Variants in BBX observed in about 807,000 individuals in gnomAD.
BBX encodes HMG box transcription factor BBX.
A neutral mutation model predicts 100.2 loss-of-function variants in BBX; 30 were observed. The observed-to-expected ratio is 0.30, with a 90% CI of 0.22 to 0.41. The LOEUF (loss-of-function observed/expected upper bound fraction) is 0.41, where lower values mean the gene tolerates loss of function less well. BBX is among the 10% of genes least tolerant of loss of function. The probability of loss-of-function intolerance (pLI) is 1.00; values close to 1 mark genes in which losing one functional copy is unlikely to be tolerated. For missense variants in BBX, 1,023 were observed against 1,129.8 expected, an observed-to-expected ratio of 0.91 and a Z score of 1.35; for synonymous variants, 376 against 388.1, an observed-to-expected ratio of 0.97 and a Z score of 0.37.
chr3:107,716,983 A>G, intron 5 of BBX, 134 bp downstream of exon 5: 1 of 1,147,994 alleles, frequency 8.7e-7, no homozygotes, highest in East Asian at 2.4e-5. Context: ...AAGTAAAAAC[A>G]TAACCGCTTT....
intron 3 of BBX, among the ~76,000 whole-genome samples, chr3:107,676,623 A>G (rs866253251): frequency 6.6e-6 from 1 of 152,170 alleles, no homozygotes; most frequent in Non-Finnish European, 1.5e-5. Flanking sequence ...TCTCCTTTCT[A>G]ACTTGTGTTA....
intron 3 of BBX, among the ~76,000 whole-genome samples, chr3:107,646,550 A>G (rs1323328835): frequency 6.6e-6 from 1 of 152,094 alleles, no homozygotes; most frequent in South Asian, 2.1e-4. Context: ...ATGTATGGTA[A>G]TAATATTTTA....
intron 2 of BBX, among the ~76,000 whole-genome samples, chr3:107,580,918 G>A (rs910470411): frequency 1.8e-4 from 27 of 152,260 alleles, no homozygotes; most frequent in African/African-American, 4.3e-4. Context: ...GGCGTGAGCC[G>A]TCACACCCAG....
chr3:107,651,655 G>A (rs537636177), intron 3 of BBX, among the ~76,000 whole-genome samples: 54 of 152,008 alleles, frequency 3.6e-4, no homozygotes, highest in African/African-American at 1.1e-3. Flanking sequence ...ATATACTTAA[G>A]ATTTTTGGTA....
chr3:107,749,345 A>G (rs1440714215), intron 9 of BBX, among the ~76,000 whole-genome samples: 2 of 152,188 alleles, frequency 1.3e-5, no homozygotes, highest in African/African-American at 4.8e-5. Context: ...GAATTTTGCC[A>G]TATTGACTAA....
intron 2 of BBX, among the ~76,000 whole-genome samples, chr3:107,632,885 G>C (rs1397081529): frequency 6.6e-6 from 1 of 152,162 alleles, no homozygotes; most frequent in East Asian, 1.9e-4. Flanking sequence ...AAATGATTCT[G>C]ACAAATCCTT....
chr3:107,724,538 C>T (rs927815344), intron 5 of BBX, among the ~76,000 whole-genome samples: 1 of 152,066 alleles, frequency 6.6e-6, no homozygotes, highest in Non-Finnish European at 1.5e-5. Context: ...TTTATGGTTT[C>T]AGTTCTAACA....
intron 2 of BBX, among the ~76,000 whole-genome samples, chr3:107,618,408 T>A (rs2055466913): frequency 1.3e-5 from 2 of 152,090 alleles, no homozygotes; most frequent in Non-Finnish European, 2.9e-5. Flanking sequence ...TTTTACTGAT[T>A]TCTGCTGTTT....
rs781213654 is a variant in BBX, at chr3:107,801,184, G to A, written c.2641G>A (p.Gly881Arg). ...CAAATGCTCACACAACACCGAGGTC[G>A]GGGAGACGCGGAGCAGTACTCCAGA... ...NDKCSHNTEV[G>R]ETRSSTPEMP... Residue 881 changes from glycine (G) to arginine (R), a missense_variant, in exon 17 of 18, where the codon GGG becomes AGG. Gly to Arg is a moderately radical substitution (Grantham distance 125). This residue lies in a region of BBX where 104 missense variants were observed against 132.2 expected (regional missense o/e 0.79). Transcript: ENST00000325805. 1.4e-4 allele frequency: 225 copies of A among 1,614,072 alleles called. No homozygotes were observed. Among genetic ancestry groups the A allele is most frequent in the East Asian group, 1.8e-4 (8 of 44,884 alleles).
intron 2 of BBX, among the ~76,000 whole-genome samples, chr3:107,564,607 T>C (rs1158535166): frequency 6.6e-6 from 1 of 152,228 alleles, no homozygotes. Flanking sequence ...TGGACAGTTG[T>C]TCCAGCCCCG....
chr3:107,766,020 CAGA>C (rs2066364388), intron 10 of BBX, among the ~76,000 whole-genome samples: 1 of 152,078 alleles, frequency 6.6e-6, no homozygotes, highest in Non-Finnish European at 1.5e-5. Context: ...CTAAAGTGCT[CAGA>C]AGAAGATGCT....
intron 10 of BBX, among the ~76,000 whole-genome samples, chr3:107,771,664 G>T (rs528147908): frequency 6.6e-6 from 1 of 152,286 alleles, no homozygotes; most frequent in South Asian, 2.1e-4. Flanking sequence ...GTTCACATCA[G>T]ATCAATTTGC....
At chr3:107,650,264 T>C (rs1252685435) in intron 3 of BBX, among the ~76,000 whole-genome samples, 1 of 152,130 alleles carries the variant, frequency 6.6e-6, no homozygotes, top group East Asian at 1.9e-4. Flanking sequence ...GCAGCGGCAT[T>C]AGATTCTCAT....
At chr3:107,743,066 T>C (rs933411214) in intron 7 of BBX, among the ~76,000 whole-genome samples, 44 of 152,070 alleles carry the variant, frequency 2.9e-4, no homozygotes, top group African/African-American at 1.0e-3. Context: ...GTGGAGCAAC[T>C]CTAAATAATA....
rs59614452 is a variant in BBX, at chr3:107,616,005, C to CTTTTTTTTT, written c.-83-29802_-83-29794dup. 2.1e-4 allele frequency among the ~76,000 whole-genome samples: 4 copies of CTTTTTTTTT among 19,248 alleles called. 1 individual carries two copies. The highest frequency in any genetic ancestry group is 6.7e-4 in the Admixed American group (1 of 1,488). 12.6% of individuals were successfully genotyped at this position (19,248 alleles called of 152,430 possible). A position where few individuals can be genotyped will look rare whatever the true frequency, so the allele number is the denominator to read the frequency against. ...AGGAGAAGCACACGCTACTCACCTG[C>CTTTTTTTTT]TTTTTTTTTTTTTTTTTTTTTTTTT... On this transcript the variant is annotated intron_variant, in intron 2 of 17. Coordinates refer to ENST00000325805, the MANE Select transcript of BBX (RefSeq NM_001142568.3).
chr3:107,525,080 C>T (rs2047657756), intron 1 of BBX, among the ~76,000 whole-genome samples: 1 of 149,894 alleles, frequency 6.7e-6, no homozygotes, highest in Non-Finnish European at 1.5e-5. Flanking sequence ...GGCCCCCCGC[C>T]CCTGCGCGCC....
intron 17 of BBX, among the ~76,000 whole-genome samples, chr3:107,803,619 A>G (rs1001167698): frequency 6.6e-6 from 1 of 152,240 alleles, no homozygotes; most frequent in Non-Finnish European, 1.5e-5. Flanking sequence ...ATTTACTAGA[A>G]GTTAAATTAG....
intron 16 of BBX, 85 bp downstream of exon 16, chr3:107,798,805 A>T (rs2070044109): frequency 1.3e-5 from 17 of 1,314,578 alleles, no homozygotes; most frequent in Non-Finnish European, 1.8e-5. Flanking sequence ...CTTGAGCCAC[A>T]ATGAAATACA....
At chr3:107,538,206 A>G (rs1303194671) in intron 2 of BBX, among the ~76,000 whole-genome samples, 1 of 152,092 alleles carries the variant, frequency 6.6e-6, no homozygotes, top group Non-Finnish European at 1.5e-5. Context: ...GGTTTTTTTT[A>G]TGTTAATAAT....
Sources: allele counts gnomAD v4.1 joint callset (sites outside exome capture counted in the v4.1 genomes callset), GRCh38; gene constraint gnomAD v4.1.1; regional missense constraint gnomAD v4.1.1; transcripts MANE v1.5; gene names NCBI Gene and HGNC (gene_info 2026-07-23, HGNC 2026-07-21).